Variants in GRM5 observed in about 807,000 individuals in gnomAD.
The protein encoded by GRM5 is metabotropic glutamate receptor 5.
GRM5 carries 19 observed loss-of-function variants against 83.1 expected under a neutral mutation model. The observed-to-expected ratio is 0.23, with a 90% CI of 0.16 to 0.34. The LOEUF (loss-of-function observed/expected upper bound fraction) is 0.34. Among genes scored for constraint, GRM5 ranks in the 10% least tolerant of loss-of-function variants. The pLI, the probability that GRM5 is intolerant of heterozygous loss-of-function variation, is 1.00. For missense variants in GRM5, 1,160 were observed against 1,588.3 expected, an observed-to-expected ratio of 0.73 and a Z score of 4.58; for synonymous variants, 675 against 633.6, an observed-to-expected ratio of 1.07 and a Z score of -0.98.
intron 2 of GRM5, among the ~76,000 whole-genome samples, chr11:88,986,618 G>A (rs1939720320): frequency 6.6e-6 from 1 of 151,250 alleles, no homozygotes; most frequent in Admixed American, 6.6e-5. Context: ...CTAGATATGT[G>A]GTTTGCAAAT....
intron 3 of GRM5, among the ~76,000 whole-genome samples, chr11:88,826,050 T>C (rs932711723): frequency 3.9e-5 from 6 of 152,136 alleles, no homozygotes; most frequent in African/African-American, 1.2e-4. Context: ...GTTAAGCTGG[T>C]GTTAAGAGGT....
intron 2 of GRM5, among the ~76,000 whole-genome samples, chr11:89,040,897 G>C (rs1941516117): frequency 1.3e-5 from 2 of 152,114 alleles, no homozygotes. Context: ...TCTCTTACAT[G>C]CTTGCTTAGT....
At chr11:89,064,225 C>T (rs1423846120) in intron 1 of GRM5, among the ~76,000 whole-genome samples, 1 of 152,200 alleles carries the variant, frequency 6.6e-6, no homozygotes, top group Admixed American at 6.5e-5. Context: ...AAACCTTCTT[C>T]CTCAATGCTA....
At chr11:88,551,167 T>C (rs1011618313) in intron 8 of GRM5, among the ~76,000 whole-genome samples, 2 of 152,166 alleles carry the variant, frequency 1.3e-5, no homozygotes, top group African/African-American at 4.8e-5. Flanking sequence ...GTTCAGTGAA[T>C]GTCTATGTGG....
intron 3 of GRM5, among the ~76,000 whole-genome samples, chr11:88,841,972 A>C (rs1944211653): frequency 1.3e-5 from 2 of 152,174 alleles, no homozygotes; most frequent in African/African-American, 4.8e-5. Flanking sequence ...TATCAATAGG[A>C]GGTGGCTTTG....
intron 8 of GRM5, among the ~76,000 whole-genome samples, chr11:88,541,889 G>A (rs1008573686): frequency 2.0e-4 from 30 of 152,162 alleles, no homozygotes; most frequent in African/African-American, 6.8e-4. Context: ...TGATTGGATC[G>A]TGAGGGGGAG....
intron 2 of GRM5, chr11:88,925,652 C>T: frequency 4.7e-6 from 2 of 426,400 alleles, no homozygotes; most frequent in South Asian, 1.7e-5. Flanking sequence ...TGGCTCATGC[C>T]CATAATCCCA....
Position 88,567,916 on chromosome 11 carries a change from A to G in GRM5, c.1767T>C (p.Leu589=), listed in dbSNP as rs1257812267. 6.2e-7 allele frequency: 1 copy of G among 1,614,086 alleles called. No individual in the cohort carries two copies. Among genetic ancestry groups the G allele is most frequent in the African/African-American group, 1.3e-5 (1 of 75,060 alleles). ...EPIAAVVFAC[L]GLLATLFVTV... The stretch of plus-strand genomic sequence containing the variant: ...TAACAAACAGGGTGGCCAGGAGGCC[A>G]AGGCAGGCAAACACCACAGCTGCAA... Residue 589 remains leucine (L), a synonymous_variant, in exon 8 of 10, where the codon CTT becomes CTC. Coordinates refer to ENST00000305447, the MANE Select transcript of GRM5 (RefSeq NM_001143831.3). This position sits in a 1 kb window ranked among gnomAD's most constrained non-coding sequence, Gnocchi z 7.3.
chr11:88,557,969 G>C (rs1307620172), intron 8 of GRM5, among the ~76,000 whole-genome samples: 2 of 151,896 alleles, frequency 1.3e-5, no homozygotes, highest in Admixed American at 1.3e-4. Context: ...AGTGACTTCT[G>C]ATTTCTCTGT....
intron 4 of GRM5, among the ~76,000 whole-genome samples, chr11:88,628,336 A>C (rs903573786): frequency 1.8e-4 from 28 of 152,210 alleles, no homozygotes; most frequent in African/African-American, 5.5e-4. Context: ...AACTCTTAAA[A>C]CCAGTTCAGA....
At chr11:88,596,810 G>A (rs868029192) in intron 6 of GRM5, among the ~76,000 whole-genome samples, 14 of 151,946 alleles carry the variant, frequency 9.2e-5, no homozygotes, top group South Asian at 4.1e-4. Flanking sequence ...ACAATAAAGC[G>A]TGTCTCATTT....
intron 8 of GRM5, among the ~76,000 whole-genome samples, chr11:88,553,006 AT>A (rs1405271620): frequency 3.3e-5 from 5 of 152,308 alleles, no homozygotes; most frequent in African/African-American, 1.2e-4. Flanking sequence ...AGTTCATCAC[AT>A]TAGCATTCTG....
chr11:88,733,776 G>GTAAC (rs1438239313), intron 3 of GRM5, among the ~76,000 whole-genome samples: 1 of 151,946 alleles, frequency 6.6e-6, no homozygotes, highest in Non-Finnish European at 1.5e-5. Flanking sequence ...TTTTATTCTT[G>GTAAC]TAACTGTTTA....
intron 4 of GRM5, among the ~76,000 whole-genome samples, chr11:88,614,060 G>A (rs80155020): frequency 0.041 from 6,272 of 152,174 alleles, 392 homozygotes; most frequent in African/African-American, 0.13. Flanking sequence ...CCTAAGCCAT[G>A]TTCTGCAACT....
intron 2 of GRM5, among the ~76,000 whole-genome samples, chr11:89,030,769 T>A (rs1941242642): frequency 6.6e-6 from 1 of 152,090 alleles, no homozygotes; most frequent in South Asian, 2.1e-4. Flanking sequence ...TCTATGATCT[T>A]ATGCCCTATT....
intron 3 of GRM5, among the ~76,000 whole-genome samples, chr11:88,845,579 G>A (rs1379944911): frequency 6.6e-6 from 1 of 151,634 alleles, no homozygotes. Context: ...GACTACAGGC[G>A]CACGCCGCGA....
intron 3 of GRM5, among the ~76,000 whole-genome samples, chr11:88,778,303 C>T (rs532919377): frequency 2.0e-5 from 3 of 152,234 alleles, no homozygotes; most frequent in Non-Finnish European, 4.4e-5. Context: ...TTGTTAAGAC[C>T]TTGGGAAAAG....
chr11:89,053,003 C>A (rs777084359), intron 1 of GRM5, among the ~76,000 whole-genome samples: 28 of 152,064 alleles, frequency 1.8e-4, no homozygotes, highest in Non-Finnish European at 3.7e-4. Context: ...ATTGTTTTAA[C>A]TATTTCTTGC....
rs79964385 is a variant in GRM5, at chr11:88,653,193, G to A, written c.1122C>T (p.Asn374=). The A allele has an allele frequency of 1.2e-6, 2 of 1,606,458 alleles. No homozygotes were observed. Among genetic ancestry groups the A allele is most frequent in the Middle Eastern group, 1.7e-4 (1 of 6,032 alleles). Residue 374 remains asparagine, a synonymous_variant, in exon 4 of 10, where the codon AAC becomes AAT. Coordinates refer to ENST00000305447, the MANE Select transcript of GRM5 (RefSeq NM_001143831.3). ...TATTGCAAGTCTTGTTGTATTTGCT[G>A]TTCTCCTGTGGAAACCCTTCCAGTC... is the stretch of plus-strand genomic sequence containing the variant. ...QCRLEGFPQE[N]SKYNKTCNSS...
Sources: gnomAD v4.1 joint callset for allele counts (sites outside exome capture counted in the v4.1 genomes callset) on GRCh38, gnomAD v4.1.1 for gene constraint, Gnocchi (gnomAD v3.1) non-coding constraint, MANE v1.5 for transcripts, NCBI Gene and HGNC (gene_info 2026-07-23, HGNC 2026-07-21) for gene names.